The following RIT2 variants were observed in gnomAD, a reference collection of about 807,000 sequenced individuals.
RIT2 encodes GTP-binding protein Rit2.
In RIT2, 24 loss-of-function variants were observed where a neutral mutation model predicts 23.7. That is an observed-to-expected ratio of 1.01 (90% confidence interval 0.73 to 1.43). The LOEUF (loss-of-function observed/expected upper bound fraction) is 1.43, where lower values mean the gene tolerates loss of function less well. Among genes scored for constraint, RIT2 ranks in the 40% most tolerant of loss-of-function variants. The pLI, the probability that RIT2 is intolerant of heterozygous loss-of-function variation, is 0.00. For missense variants in RIT2, 236 were observed against 266.9 expected (o/e 0.88, Z 0.81); for synonymous variants, 107 against 91.1 (o/e 1.17, Z -0.99).
At chr18:42,960,306 G>GTTTGTT (rs1024562865) in intron 3 of RIT2, among the ~76,000 whole-genome samples, 1 of 151,962 alleles carries the variant, frequency 6.6e-6, no homozygotes, top group African/African-American at 2.4e-5. Context: ...ATGTTTTTTT[G>GTTTGTT]TTTGTTTTTG....
Position 42,910,877 on chromosome 18 carries a change from C to T in RIT2, c.426+12695G>A, listed in dbSNP as rs137970879. Among the ~76,000 whole-genome samples the T allele has an allele frequency of 2.7e-3, 409 of 152,128 alleles. 1 individual carries two copies. The highest frequency in any genetic ancestry group is 9.1e-3 in the African/African-American group (379 of 41,526). On this transcript the variant is annotated intron_variant, in intron 4 of 4. Coordinates refer to ENST00000326695, the MANE Select transcript of RIT2 (RefSeq NM_002930.4). Reference sequence around the variant, plus strand: ...GTAATTATAACATGGGTTTCAAAATCCTATTTTTAACAATTGATAGAAATC... The same window carrying T: ...GTAATTATAACATGGGTTTCAAAATTCTATTTTTAACAATTGATAGAAATC...
At position 43,003,220 on chromosome 18, in the gene RIT2, A is replaced by G. The variant is rs190726042; in HGVS notation, c.161-29073T>C. Among the ~76,000 whole-genome samples the G allele has an allele frequency of 7.4e-3, 1,113 of 149,572 alleles. 9 individuals are homozygous for G. The highest frequency in any genetic ancestry group is 0.026 in the African/African-American group (1,046 of 40,996). ...TATGTTCCTTGTCATTTGTTATGACAGCAGTAGAAAACTAATAAAACATCC... is the reference window on the plus strand; with the variant it reads ...TATGTTCCTTGTCATTTGTTATGACGGCAGTAGAAAACTAATAAAACATCC... On this transcript the variant is annotated intron_variant, in intron 2 of 4. Coordinates refer to ENST00000326695, the MANE Select transcript of RIT2 (RefSeq NM_002930.4).
At chr18:43,094,123 G>GTTTTTTTTTTT (rs376144367) in intron 1 of RIT2, among the ~76,000 whole-genome samples, 143 of 115,904 alleles carry the variant, frequency 1.2e-3, no homozygotes, top group Non-Finnish European at 1.9e-3. Context: ...GGTTTTTTTT[G>GTTTTTTTTTTT]TTTTTTTTTT....
chr18:42,929,860 G>C (rs1297772732), intron 3 of RIT2, among the ~76,000 whole-genome samples: 1 of 152,042 alleles, frequency 6.6e-6, no homozygotes, highest in Admixed American at 6.6e-5. Flanking sequence ...CCATGGACAG[G>C]TGCCCCAGAG....
At chr18:42,890,895 G>A (rs1357032127) in intron 4 of RIT2, among the ~76,000 whole-genome samples, 2 of 152,046 alleles carry the variant, frequency 1.3e-5, no homozygotes, top group African/African-American at 4.8e-5. Context: ...AATTCTAGGA[G>A]CAATGCTAAA....
At chr18:43,083,853 G>A (rs1299477998) in intron 1 of RIT2, among the ~76,000 whole-genome samples, 1 of 152,088 alleles carries the variant, frequency 6.6e-6, no homozygotes, top group Non-Finnish European at 1.5e-5. Flanking sequence ...AACACAAAAA[G>A]CAATGGCAAC....
At chr18:43,108,048 A>T (rs1221442415) in intron 1 of RIT2, among the ~76,000 whole-genome samples, 1 of 150,822 alleles carries the variant, frequency 6.6e-6, no homozygotes, top group Non-Finnish European at 1.5e-5. Context: ...GTGGCGGGTG[A>T]CTGTAGTCCC....
chr18:42,797,276 T>C (rs1905392229), intron 4 of RIT2, among the ~76,000 whole-genome samples: 1 of 152,128 alleles, frequency 6.6e-6, no homozygotes, highest in Non-Finnish European at 1.5e-5. Context: ...AAGTCCATGG[T>C]TGTGAATTGT....
At chr18:43,019,256 T>TGCAGG (rs1911542505) in intron 2 of RIT2, among the ~76,000 whole-genome samples, 1 of 151,370 alleles carries the variant, frequency 6.6e-6, no homozygotes, top group Non-Finnish European at 1.5e-5. Flanking sequence ...CAGGCCAATA[T>TGCAGG]CCCTAAAAAA....
chr18:43,096,526 A>G (rs987206231), intron 1 of RIT2, among the ~76,000 whole-genome samples: 27 of 151,904 alleles, frequency 1.8e-4, no homozygotes, highest in Non-Finnish European at 8.8e-5. Flanking sequence ...ACTAGCAGAT[A>G]TATGGGAACA....
intron 1 of RIT2, among the ~76,000 whole-genome samples, chr18:43,078,598 A>G (rs1197781777): frequency 6.6e-6 from 1 of 152,172 alleles, no homozygotes; most frequent in Non-Finnish European, 1.5e-5. Context: ...GGCTCTGTGT[A>G]CTACCTAGCA....
At chr18:43,029,377 A>G (rs551995842) in intron 2 of RIT2, among the ~76,000 whole-genome samples, 1 of 152,150 alleles carries the variant, frequency 6.6e-6, no homozygotes, top group Non-Finnish European at 1.5e-5. Flanking sequence ...GGGCACTGTG[A>G]GAACCAAATA....
At chr18:42,971,803 A>T (rs765448531) in intron 3 of RIT2, among the ~76,000 whole-genome samples, 8 of 151,974 alleles carry the variant, frequency 5.3e-5, no homozygotes, top group Non-Finnish European at 5.9e-5. Flanking sequence ...GCACAAGTAC[A>T]CTTAGTGCTT....
chr18:43,086,696 G>T (rs984853165), intron 1 of RIT2, among the ~76,000 whole-genome samples: 3 of 152,248 alleles, frequency 2.0e-5, no homozygotes, highest in Admixed American at 2.0e-4. Context: ...AGCATGCAAA[G>T]GGAGCCACAG....
intron 4 of RIT2, among the ~76,000 whole-genome samples, chr18:42,846,996 T>C (rs1906927012): frequency 6.6e-6 from 1 of 152,142 alleles, no homozygotes; most frequent in Non-Finnish European, 1.5e-5. Context: ...TGCATTTATG[T>C]TTTGCACTTT....
chr18:43,046,064 T>G (rs960148663), intron 1 of RIT2, among the ~76,000 whole-genome samples: 1 of 152,154 alleles, frequency 6.6e-6, no homozygotes, highest in Non-Finnish European at 1.5e-5. Context: ...CAATGGCTAA[T>G]AGGCTGGGTG....
At chr18:42,851,928 G>T (rs900227256) in intron 4 of RIT2, among the ~76,000 whole-genome samples, 5 of 152,150 alleles carry the variant, frequency 3.3e-5, no homozygotes, top group African/African-American at 1.2e-4. Flanking sequence ...TGCTCTCTCA[G>T]GTATCTGAAG....
At chr18:42,994,232 G>T (rs934819650) in intron 2 of RIT2, among the ~76,000 whole-genome samples, 1 of 152,144 alleles carries the variant, frequency 6.6e-6, no homozygotes, top group Non-Finnish European at 1.5e-5. Flanking sequence ...TACCTGGGCT[G>T]TACTGCCACA....
At chr18:42,804,102 C>A (rs11874949) in intron 4 of RIT2, among the ~76,000 whole-genome samples, 11,020 of 152,174 alleles carry the variant, frequency 0.072, 1,278 homozygotes, top group African/African-American at 0.25. Context: ...GTGGATTATA[C>A]ATCACAACAA....
Sources: allele counts gnomAD v4.1 joint callset (sites outside exome capture counted in the v4.1 genomes callset), GRCh38; gene constraint gnomAD v4.1.1; transcripts MANE v1.5; gene names NCBI Gene and HGNC (gene_info 2026-07-23, HGNC 2026-07-21).